The following CNIH3 variants were observed in gnomAD, a reference collection of about 807,000 sequenced individuals.
The protein encoded by CNIH3 is cornichon family AMPA receptor auxiliary protein 3, also known as protein cornichon homolog 3.
Under a neutral mutation model 24.1 loss-of-function variants are expected in CNIH3, and 14 were observed. The ratio of observed to expected loss-of-function variants is 0.58; its 90% confidence interval spans 0.38 to 0.91. The LOEUF (loss-of-function observed/expected upper bound fraction) is 0.91. Among genes scored for constraint, CNIH3 ranks in the 40% least tolerant of loss-of-function variants. The pLI is 0.00. For synonymous variants in CNIH3, 68 were observed against 73.8 expected (o/e 0.92, Z 0.40); for missense variants, 178 against 196.8 (o/e 0.90, Z 0.57).
chr1:224,539,186 C>T (rs1446173760), downstream of CNIH3, among the ~76,000 whole-genome samples: 1 of 152,200 alleles, frequency 6.6e-6, no homozygotes, highest in Non-Finnish European at 1.5e-5. Context: ...TACTGCTCCT[C>T]TTGCCGTATT....
rs528255286 is a variant in CNIH3, at chr1:224,453,802, C to A, written n.203+18940C>A. Among the ~76,000 whole-genome samples, 15 of 152,116 alleles carry A rather than the reference C, an allele frequency of 9.9e-5. No homozygotes were observed. In the South Asian group the frequency reaches 3.1e-3, roughly 32 times the overall value. On this transcript the variant is annotated intron_variant and non_coding_transcript_variant, in intron 1 of 5. Coordinates refer to the CNIH3 transcript ENST00000471578. ...GCTGGGACTACAGGTGCCCTGCTAC[C>A]TTTGACAAGTTTTGAAAGATTTTCA...
intron 1 of CNIH3, among the ~76,000 whole-genome samples, chr1:224,442,094 C>T (rs543782729): frequency 1.3e-5 from 2 of 148,156 alleles, no homozygotes; most frequent in Non-Finnish European, 3.0e-5. Context: ...TCATGGCTCA[C>T]TGCACCCACC....
At chr1:224,451,286 T>G (rs1298191711) in intron 1 of CNIH3, among the ~76,000 whole-genome samples, 1 of 152,208 alleles carries the variant, frequency 6.6e-6, no homozygotes, top group Non-Finnish European at 1.5e-5. Flanking sequence ...TGACTCAGAA[T>G]TATTCCCTTG....
chr1:224,437,845 C>T (rs1032284149), intron 1 of CNIH3, among the ~76,000 whole-genome samples: 2 of 151,770 alleles, frequency 1.3e-5, no homozygotes, highest in African/African-American at 2.4e-5. Context: ...CCAGACTAGA[C>T]TAGAAGGCAA....
At chr1:224,439,698 G>T (rs1342745273) in intron 1 of CNIH3, among the ~76,000 whole-genome samples, 1 of 151,988 alleles carries the variant, frequency 6.6e-6, no homozygotes, top group Non-Finnish European at 1.5e-5. Context: ...TGCAACCTCA[G>T]CCTCCCAGGT....
At chr1:224,603,375 A>C (rs537698232) in intron 3 of CNIH3, among the ~76,000 whole-genome samples, 1 of 152,358 alleles carries the variant, frequency 6.6e-6, no homozygotes, top group African/African-American at 2.4e-5. Context: ...TCACAGGATC[A>C]ATGCTATCTT....
intron 1 of CNIH3, among the ~76,000 whole-genome samples, chr1:224,644,635 T>C (rs1230200877): frequency 6.6e-6 from 1 of 152,258 alleles, no homozygotes; most frequent in Non-Finnish European, 1.5e-5. Flanking sequence ...AAATTTCTCC[T>C]GGCTGCCGCA....
chr1:224,594,959 A>C (rs970225467), intron 3 of CNIH3, among the ~76,000 whole-genome samples: 1 of 152,178 alleles, frequency 6.6e-6, no homozygotes, highest in Non-Finnish European at 1.5e-5. Context: ...ATTTTTTACA[A>C]ATTGAAGGTT....
chr1:224,655,082 C>T (rs921949377), intron 1 of CNIH3, among the ~76,000 whole-genome samples: 1 of 152,114 alleles, frequency 6.6e-6, no homozygotes, highest in African/African-American at 2.4e-5. Flanking sequence ...GATGTGGCAC[C>T]AGGATCTAGC....
intron 1 of CNIH3, among the ~76,000 whole-genome samples, chr1:224,640,507 T>G (rs545541426): frequency 2.6e-5 from 4 of 152,358 alleles, no homozygotes; most frequent in African/African-American, 9.6e-5. Flanking sequence ...TCTTAGGTGA[T>G]TCAGAGCTTA....
chr1:224,638,310 A>T (rs1240899967), intron 1 of CNIH3, among the ~76,000 whole-genome samples: 1 of 152,224 alleles, frequency 6.6e-6, no homozygotes, highest in Non-Finnish European at 1.5e-5. Context: ...TTCCCAAGGG[A>T]CAAGGATGTT....
At chr1:224,547,393 C>T (rs540775240) in intron 3 of CNIH3, among the ~76,000 whole-genome samples, 2 of 151,680 alleles carry the variant, frequency 1.3e-5, no homozygotes, top group African/African-American at 2.4e-5. Context: ...TGATATTATT[C>T]ATAATATCTG....
At chr1:224,714,795 A>G (rs1410332699) in intron 3 of CNIH3, among the ~76,000 whole-genome samples, 1 of 152,204 alleles carries the variant, frequency 6.6e-6, no homozygotes, top group Non-Finnish European at 1.5e-5. Flanking sequence ...CATGACAGCC[A>G]CATCCCAGAG....
intron 1 of CNIH3, among the ~76,000 whole-genome samples, chr1:224,501,687 T>C (rs1207365730): frequency 6.6e-6 from 1 of 152,000 alleles, no homozygotes; most frequent in Non-Finnish European, 1.5e-5. Context: ...TTCAAGCGAT[T>C]TTCCTGTCTC....
At chr1:224,529,231 C>A (rs1369607305) in intron 2 of CNIH3, 2 of 152,196 alleles carry the variant, frequency 1.3e-5, no homozygotes, top group African/African-American at 2.4e-5. Flanking sequence ...ACACTGGTAT[C>A]CAGTGATCCA....
At chr1:224,724,681 GA>G (rs1688924501) in intron 3 of CNIH3, among the ~76,000 whole-genome samples, 1 of 152,168 alleles carries the variant, frequency 6.6e-6, no homozygotes, top group African/African-American at 2.4e-5. Flanking sequence ...TATTGCTGTT[GA>G]AAACAGGCAA....
downstream of CNIH3, among the ~76,000 whole-genome samples, chr1:224,539,640 C>T (rs1679434750): frequency 6.6e-6 from 1 of 152,160 alleles, no homozygotes; most frequent in Non-Finnish European, 1.5e-5. Context: ...ATGCTGGTCA[C>T]TGCCCCATAC....
intron 3 of CNIH3, among the ~76,000 whole-genome samples, chr1:224,595,314 G>C (rs1465863686): frequency 4.6e-5 from 7 of 152,158 alleles, no homozygotes; most frequent in Non-Finnish European, 1.0e-4. Context: ...CCAGGGTGCT[G>C]GGATTACAGG....
At chr1:224,558,432 C>A (rs1206251140) in intron 3 of CNIH3, among the ~76,000 whole-genome samples, 2 of 152,038 alleles carry the variant, frequency 1.3e-5, no homozygotes, top group Non-Finnish European at 2.9e-5. Flanking sequence ...GATGGAATAC[C>A]AAGCAGGGAA....
Sources: allele counts gnomAD v4.1 joint callset (sites outside exome capture counted in the v4.1 genomes callset), GRCh38; gene constraint gnomAD v4.1.1; transcripts MANE v1.5; gene names NCBI Gene and HGNC (gene_info 2026-07-23, HGNC 2026-07-21).